The following KCNQ1 variants were observed in gnomAD, a reference collection of about 807,000 sequenced individuals.
The protein encoded by KCNQ1 is potassium voltage-gated channel subfamily Q member 1.
In KCNQ1, 49 loss-of-function variants were observed where a neutral mutation model predicts 72.4. The observed-to-expected ratio is 0.68, with a 90% CI of 0.54 to 0.86. The LOEUF is 0.86. Ranked by LOEUF, KCNQ1 falls within the 40% of genes least tolerant of loss-of-function variation. KCNQ1 has a pLI of 0.00. For missense variants in KCNQ1, 790 were observed against 945.1 expected (o/e 0.84, Z 2.15); for synonymous variants, 450 against 412.6 (o/e 1.09, Z -1.10).
At chr11:2,696,010 G>A (rs561470944) in intron 11 of KCNQ1, 7 of 398,434 alleles carry the variant, frequency 1.8e-5, no homozygotes, top group Non-Finnish European at 3.1e-5. Context: ...ACATTCATGA[G>A]TGTAAAAGTG....
At chr11:2,660,854 G>C in intron 10 of KCNQ1, 1 of 398,600 alleles carries the variant, frequency 2.5e-6, no homozygotes, top group Non-Finnish European at 4.4e-6. Flanking sequence ...CAGTATGTCA[G>C]CTTTTAAGAA....
intron 2 of KCNQ1, among the ~76,000 whole-genome samples, chr11:2,539,731 T>C (rs1320753222): frequency 6.6e-6 from 1 of 152,344 alleles, no homozygotes; most frequent in East Asian, 1.9e-4. Flanking sequence ...GTGCGCCTGC[T>C]GCAGGGGCCC....
At chr11:2,795,198 G>A (rs572161336) in intron 15 of KCNQ1, among the ~76,000 whole-genome samples, 3 of 152,330 alleles carry the variant, frequency 2.0e-5, no homozygotes, top group African/African-American at 7.2e-5. Flanking sequence ...CCGACCTCTC[G>A]GGTGCTGTAG....
intron 10 of KCNQ1, among the ~76,000 whole-genome samples, chr11:2,589,836 G>A (rs1429553937): frequency 6.6e-6 from 1 of 152,188 alleles, no homozygotes; most frequent in Non-Finnish European, 1.5e-5. Context: ...GCATCAGGAG[G>A]CACACGTGAT....
rs933830662 is a variant in KCNQ1, at chr11:2,488,911, G to A, written c.387-39017G>A. Among the ~76,000 whole-genome samples the A allele has an allele frequency of 1.3e-5, 2 of 152,062 alleles. No individual in the cohort carries two copies. The highest frequency in any genetic ancestry group is 4.8e-5 in the African/African-American group (2 of 41,382). On this transcript the variant is annotated intron_variant, in intron 1 of 15. Transcript: ENST00000155840. This position sits in a 1 kb window ranked among gnomAD's most constrained non-coding sequence, Gnocchi z 5.1. ...AGCTTTGGGTTTAGTTCTTTTGCTA[G>A]TTCCTTAAGTGGTAAAGTTAGGTTA... is the stretch of plus-strand genomic sequence containing the variant.
rs1024564601 is a variant in KCNQ1 at position 2,549,792 on chromosome 11, G to A, written c.478-20836G>A. On this transcript the variant is annotated intron_variant, in intron 2 of 15. Transcript: ENST00000155840. This position sits in a 1 kb window ranked among gnomAD's most constrained non-coding sequence, Gnocchi z 6.2. Reference sequence around the variant, plus strand: ...TGGCCCCCAGTCATGAGTACCCCAGGCCCCTATGCGCCTCCTTCCCCATGA... The same window carrying A: ...TGGCCCCCAGTCATGAGTACCCCAGACCCCTATGCGCCTCCTTCCCCATGA... 3.9e-5 allele frequency among the ~76,000 whole-genome samples: 6 copies of A among 152,238 alleles called. No individual in the cohort carries two copies. The highest frequency in any genetic ancestry group is 8.8e-5 in the Non-Finnish European group (6 of 67,988).
At position 2,652,012 on chromosome 11, in the gene KCNQ1, T is replaced by G. The variant is rs556987410; in HGVS notation, c.1394-9949T>G. 3 of 398,556 alleles carry G rather than the reference T, an allele frequency of 7.5e-6. No individual in the cohort carries two copies. The highest frequency in any genetic ancestry group is 1.3e-4 in the South Asian group (1 of 7,860). 24.7% of individuals were successfully genotyped at this position (398,556 alleles called of 1,614,324 possible). On this transcript the variant is annotated intron_variant, in intron 10 of 15. Transcript: ENST00000155840. This position sits in a 1 kb window ranked among gnomAD's most constrained non-coding sequence, Gnocchi z 5.9. The stretch of plus-strand genomic sequence containing the variant: ...ACATCAGTTGTTAACATAATTTTGA[T>G]GTTGAGCCTCCCCCCAGTTCTGGGG...
At chr11:2,582,734 C>A (rs910782069) in intron 6 of KCNQ1, among the ~76,000 whole-genome samples, 12 of 152,202 alleles carry the variant, frequency 7.9e-5, no homozygotes, top group African/African-American at 2.7e-4. Context: ...CCTGAAGAAC[C>A]CAGCAGGCAG....
At chr11:2,718,140 C>T (rs1239064597) in intron 11 of KCNQ1, among the ~76,000 whole-genome samples, 1 of 152,222 alleles carries the variant, frequency 6.6e-6, no homozygotes, top group Non-Finnish European at 1.5e-5. Context: ...GAGGCCCTCC[C>T]TGCCCTCGGG....
rs189095679 is a variant in KCNQ1, at chr11:2,567,818, T to C, written c.478-2810T>C. The stretch of plus-strand genomic sequence containing the variant: ...AAGGCCAGCCCCTAAACAGGTTCCC[T>C]GAGTGTTAGGTCAAAATAACTTTAA... On this transcript the variant is annotated intron_variant, in intron 2 of 15. Coordinates refer to ENST00000155840, the MANE Select transcript of KCNQ1 (RefSeq NM_000218.3). This position sits in a 1 kb window ranked among gnomAD's most constrained non-coding sequence, Gnocchi z 6.6. Among the ~76,000 whole-genome samples the C allele has an allele frequency of 1.7e-3, 258 of 152,336 alleles. No individual in the cohort carries two copies. Among genetic ancestry groups the C allele is most frequent in the African/African-American group, 6.0e-3 (248 of 41,580 alleles).
chr11:2,804,314 G>A (rs909462583), intron 15 of KCNQ1, among the ~76,000 whole-genome samples: 5 of 152,166 alleles, frequency 3.3e-5, no homozygotes, highest in Non-Finnish European at 7.3e-5. Flanking sequence ...GGGAAACTGA[G>A]GCACAAAATA....
At chr11:2,530,685 C>G (rs1847606527) in intron 2 of KCNQ1, among the ~76,000 whole-genome samples, 1 of 152,176 alleles carries the variant, frequency 6.6e-6, no homozygotes, top group Non-Finnish European at 1.5e-5. Flanking sequence ...ATGTTTGGCT[C>G]TGTTTCAATG....
rs1413689444 is a variant in KCNQ1 at position 2,601,297 on chromosome 11, GC to G, written c.1393+12446del. ...CTGAGCATTTTTCCACGTGCCTAGTGCCCAATTGTGTATCTTCTTTAGTGAA... is the reference window on the plus strand; with the variant it reads ...CTGAGCATTTTTCCACGTGCCTAGTGCCAATTGTGTATCTTCTTTAGTGAA... On this transcript the variant is annotated intron_variant, in intron 10 of 15. Coordinates refer to ENST00000155840, the MANE Select transcript of KCNQ1 (RefSeq NM_000218.3). The surrounding 1 kb of genome is among the most constrained non-coding windows in gnomAD (Gnocchi z 5.2). 5.9e-5 allele frequency among the ~76,000 whole-genome samples: 9 copies of G among 152,210 alleles called. No individual in the cohort carries two copies. In the East Asian group the frequency reaches 1.7e-3, roughly 29 times the overall value.
At position 2,458,082 on chromosome 11, in the gene KCNQ1, G is replaced by A. The variant is rs763472664; in HGVS notation, c.386+12598G>A. On this transcript the variant is annotated intron_variant, in intron 1 of 15. Transcript: ENST00000155840. The surrounding 1 kb of genome is among the most constrained non-coding windows in gnomAD (Gnocchi z 4.6). ...GGCAGAAGATGTGCAAGCTAAGCCT[G>A]GAGTATTCATCACAGCAGAAGGCAG... 5.0e-4 allele frequency among the ~76,000 whole-genome samples: 76 copies of A among 152,240 alleles called. No homozygotes were observed. Among genetic ancestry groups the A allele is most frequent in the Admixed American group, 1.0e-3 (16 of 15,296 alleles).
chr11:2,526,869 T>C lies in KCNQ1; in HGVS notation c.387-1059T>C, dbSNP rs1301863459. Among the ~76,000 whole-genome samples, 3 of 152,094 alleles carry C rather than the reference T, an allele frequency of 2.0e-5. No individual in the cohort carries two copies. In the East Asian group the frequency reaches 5.8e-4, roughly 29 times the overall value. On this transcript the variant is annotated intron_variant, in intron 1 of 15. Coordinates refer to ENST00000155840, the MANE Select transcript of KCNQ1 (RefSeq NM_000218.3). The surrounding 1 kb of genome is among the most constrained non-coding windows in gnomAD (Gnocchi z 6.1). ...GGCACCCTATGCCAGGCAGAGGATC[T>C]ATGCCGGGGCCCCCAGGGTCTGTGT...
chr11:2,797,171 CG>C (rs112995173), intron 15 of KCNQ1, among the ~76,000 whole-genome samples: 51 of 149,418 alleles, frequency 3.4e-4, no homozygotes, highest in African/African-American at 1.1e-3. Flanking sequence ...GGGGGGGTGG[CG>C]GGGGGGAGGC....
chr11:2,742,898 T>C (rs1329888315), intron 11 of KCNQ1, among the ~76,000 whole-genome samples: 1 of 152,128 alleles, frequency 6.6e-6, no homozygotes, highest in Non-Finnish European at 1.5e-5. Flanking sequence ...ACACCTGTGG[T>C]GTGGCAGCCA....
chr11:2,672,287 T>A (rs1850198473), intron 11 of KCNQ1: 1 of 398,550 alleles, frequency 2.5e-6, no homozygotes, highest in African/African-American at 2.1e-5. Flanking sequence ...CCCCACCAGC[T>A]GGGTGTGTGG....
In KCNQ1 at chr11:2,508,801, C is replaced by T. The variant is rs773164821; in HGVS notation, c.387-19127C>T. On this transcript the variant is annotated intron_variant, in intron 1 of 15. Coordinates refer to ENST00000155840, the MANE Select transcript of KCNQ1 (RefSeq NM_000218.3). The surrounding 1 kb of genome is among the most constrained non-coding windows in gnomAD (Gnocchi z 6.2). ...AGGAAGAAAGCCATCAATTCCCCTG[C>T]TCTCATACAGGCTTGAGGAGGGCTA... Among the ~76,000 whole-genome samples, 1 of 152,244 alleles carries T rather than the reference C, an allele frequency of 6.6e-6. No individual in the cohort carries two copies. The highest frequency in any genetic ancestry group is 1.5e-5 in the Non-Finnish European group (1 of 68,042).
Sources: allele counts gnomAD v4.1 joint callset (sites outside exome capture counted in the v4.1 genomes callset), GRCh38; gene constraint gnomAD v4.1.1; non-coding constraint Gnocchi (gnomAD v3.1); transcripts MANE v1.5; gene names NCBI Gene and HGNC (gene_info 2026-07-23, HGNC 2026-07-21).